Variants in RASSF3 observed in about 807,000 individuals in gnomAD.
The protein encoded by RASSF3 is Ras association domain family member 3.
Under a neutral mutation model 19.9 loss-of-function variants are expected in RASSF3, and 19 were observed. That is an observed-to-expected ratio of 0.96 (90% CI 0.67 to 1.40). The LOEUF (loss-of-function observed/expected upper bound fraction) is 1.40, where lower values mean the gene tolerates loss of function less well. Among genes scored for constraint, RASSF3 ranks in the 40% most tolerant of loss-of-function variants. RASSF3 has a pLI of 0.00. For synonymous variants in RASSF3, 110 were observed against 104.2 expected (o/e 1.06, Z -0.34); for missense variants, 306 against 289.8 (o/e 1.06, Z -0.41).
chr12:64,657,721 G>A (rs1872210588), intron 1 of RASSF3, among the ~76,000 whole-genome samples: 1 of 152,220 alleles, frequency 6.6e-6, no homozygotes, highest in Admixed American at 6.5e-5. Context: ...GGATAAAACT[G>A]TGCCCCCAAG....
At chr12:64,512,988 A>G (rs905737018) in intron 1 of RASSF3, among the ~76,000 whole-genome samples, 4 of 152,178 alleles carry the variant, frequency 2.6e-5, no homozygotes, top group African/African-American at 9.7e-5. Flanking sequence ...AGCTGTCCCA[A>G]CTGCTGACCC....
intron 2 of RASSF3, among the ~76,000 whole-genome samples, chr12:64,569,920 G>A (rs958548308): frequency 2.0e-5 from 3 of 152,308 alleles, no homozygotes; most frequent in South Asian, 2.1e-4. Context: ...AGCCGAGGCC[G>A]TGCCACTGCA....
chr12:64,610,620 CG>C lies in RASSF3; in HGVS notation c.-10del. 1 of 1,497,558 alleles carries C rather than the reference CG, an allele frequency of 6.7e-7. No individual in the cohort carries two copies. Among genetic ancestry groups the C allele is most frequent in the South Asian group, 1.3e-5 (1 of 78,404 alleles). 92.8% of individuals were successfully genotyped at this position (1,497,558 alleles called of 1,614,324 possible). ...CCCCGGGGAGGCCGCCCGCGCGCGA[CG>C]GGACCGGCAGCATGAGCAGCGGCTA... On this transcript the variant is annotated 5_prime_UTR_variant, in exon 1 of 5. Transcript: ENST00000542104.
intron 2 of RASSF3, among the ~76,000 whole-genome samples, chr12:64,578,577 T>G (rs568999896): frequency 6.6e-6 from 1 of 152,172 alleles, no homozygotes; most frequent in African/African-American, 2.4e-5. Flanking sequence ...GAGGATTGCT[T>G]GAGGCCAAGA....
At position 64,686,009 on chromosome 12, in the gene RASSF3, T is replaced by C. The variant is rs114995153; in HGVS notation, c.219+1115T>C. On this transcript the variant is annotated intron_variant, in intron 2 of 4. Coordinates refer to ENST00000542104, the MANE Select transcript of RASSF3 (RefSeq NM_178169.4). ...ACAGGCCCTACCGAATCGGTGATTC[T>C]TGGGGAGGAGCTTTCAGATAGAAAC... Among the ~76,000 whole-genome samples the C allele has an allele frequency of 9.9e-3, 1,502 of 152,272 alleles. 32 individuals are homozygous for C. Among genetic ancestry groups the C allele is most frequent in the African/African-American group, 0.034 (1,424 of 41,546 alleles).
chr12:64,639,151 T>G (rs1199284849), intron 1 of RASSF3, among the ~76,000 whole-genome samples: 1 of 152,194 alleles, frequency 6.6e-6, no homozygotes, highest in Non-Finnish European at 1.5e-5. Context: ...GTATGCTGAT[T>G]TTTTTTGAAG....
At chr12:64,684,053 A>G (rs1873242289) in intron 1 of RASSF3, among the ~76,000 whole-genome samples, 1 of 149,368 alleles carries the variant, frequency 6.7e-6, no homozygotes, top group Admixed American at 6.7e-5. Flanking sequence ...GGTAACATGC[A>G]AGAACAATAA....
At chr12:64,624,540 G>A (rs752729805) in intron 1 of RASSF3, among the ~76,000 whole-genome samples, 3 of 151,854 alleles carry the variant, frequency 2.0e-5, no homozygotes, top group East Asian at 1.9e-4. Context: ...CTCCCAAAGC[G>A]CTGGTATTAC....
At chr12:64,656,933 A>G (rs1265481138) in intron 1 of RASSF3, among the ~76,000 whole-genome samples, 2 of 152,216 alleles carry the variant, frequency 1.3e-5, no homozygotes, top group Admixed American at 6.5e-5. Context: ...TGAAGTGCCT[A>G]GAGTAGCCAC....
At chr12:64,565,315 G>T (rs1430311852) in intron 2 of RASSF3, among the ~76,000 whole-genome samples, 1 of 152,098 alleles carries the variant, frequency 6.6e-6, no homozygotes, top group East Asian at 1.9e-4. Context: ...GGTGGCTCAT[G>T]CCTGTAATCC....
intron 1 of RASSF3, among the ~76,000 whole-genome samples, chr12:64,528,204 T>G (rs1468417800): frequency 6.6e-6 from 1 of 151,854 alleles, no homozygotes; most frequent in Non-Finnish European, 1.5e-5. Context: ...GCCCAGGAGG[T>G]GGAGACTGCA....
At chr12:64,575,446 G>A (rs1357940361) in intron 2 of RASSF3, among the ~76,000 whole-genome samples, 1 of 152,070 alleles carries the variant, frequency 6.6e-6, no homozygotes, top group Non-Finnish European at 1.5e-5. Flanking sequence ...CCAGCTACTC[G>A]GGAGGCTGAG....
At chr12:64,641,421 C>T (rs868297906) in intron 1 of RASSF3, among the ~76,000 whole-genome samples, 5 of 151,586 alleles carry the variant, frequency 3.3e-5, no homozygotes, top group African/African-American at 9.8e-5. Context: ...CACACGCGCG[C>T]GCGCGCGTTG....
chr12:64,646,135 A>T (rs1303214479), intron 1 of RASSF3, among the ~76,000 whole-genome samples: 1 of 152,174 alleles, frequency 6.6e-6, no homozygotes, highest in Non-Finnish European at 1.5e-5. Flanking sequence ...TCTCTTGATG[A>T]ACATTTGGAT....
At chr12:64,639,791 A>G (rs1198742589) in intron 1 of RASSF3, among the ~76,000 whole-genome samples, 1 of 152,192 alleles carries the variant, frequency 6.6e-6, no homozygotes, top group Non-Finnish European at 1.5e-5. Context: ...ATAAGGCTCT[A>G]AAACAATTTT....
chr12:64,624,275 G>A (rs1870906043), intron 1 of RASSF3, among the ~76,000 whole-genome samples: 1 of 151,814 alleles, frequency 6.6e-6, no homozygotes, highest in African/African-American at 2.4e-5. Context: ...TGAGGTGAGG[G>A]CTTAAAACTC....
At chr12:64,691,680 AAG>A (rs531625479) in intron 4 of RASSF3, 101 bp downstream of exon 4, 1 of 866,078 alleles carries the variant, frequency 1.2e-6, no homozygotes, top group South Asian at 1.4e-5. Context: ...ATGGGAAGAG[AAG>A]AGAGTTGGAG....
chr12:64,576,382 A>T (rs1184024518), intron 2 of RASSF3, among the ~76,000 whole-genome samples: 1 of 152,184 alleles, frequency 6.6e-6, no homozygotes, highest in African/African-American at 2.4e-5. Flanking sequence ...TAAAAAATCA[A>T]CTCCAATTGA....
At chr12:64,669,237 C>T (rs1872621388) in intron 1 of RASSF3, among the ~76,000 whole-genome samples, 1 of 152,118 alleles carries the variant, frequency 6.6e-6, no homozygotes, top group African/African-American at 2.4e-5. Flanking sequence ...TCTATATGAA[C>T]AAGTTCCTAG....
Sources: allele counts gnomAD v4.1 joint callset (sites outside exome capture counted in the v4.1 genomes callset), GRCh38; gene constraint gnomAD v4.1.1; transcripts MANE v1.5; gene names NCBI Gene and HGNC (gene_info 2026-07-23, HGNC 2026-07-21).